Variants in BANK1 observed in about 807,000 individuals in gnomAD.
The protein encoded by BANK1 is B cell scaffold protein with ankyrin repeats 1, also known as B-cell scaffold protein with ankyrin repeats.
A neutral mutation model predicts 94.5 loss-of-function variants in BANK1; 95 were observed. The observed-to-expected ratio is 1.00, with a 90% CI of 0.85 to 1.19. BANK1 has a LOEUF of 1.19. BANK1 is among the 50% of genes most tolerant of loss of function. The pLI is 0.00. For synonymous variants in BANK1, 334 were observed against 308.4 expected (o/e 1.08, Z -0.87); for missense variants, 987 against 932.2 (o/e 1.06, Z -0.77).
intron 1 of BANK1, among the ~76,000 whole-genome samples, chr4:101,822,904 C>T (rs1021976922): frequency 5.3e-5 from 8 of 152,106 alleles, no homozygotes; most frequent in African/African-American, 1.2e-4. Flanking sequence ...TATGAGCCAC[C>T]GCGTCTGGCC....
At chr4:101,821,090 C>A (rs1207525904) in intron 1 of BANK1, among the ~76,000 whole-genome samples, 2 of 152,196 alleles carry the variant, frequency 1.3e-5, no homozygotes, top group Non-Finnish European at 2.9e-5. Context: ...TTTCCGTTTT[C>A]TCGACAGCCT....
intron 5 of BANK1, among the ~76,000 whole-genome samples, chr4:101,882,177 A>G (rs1476179253): frequency 6.6e-6 from 1 of 152,148 alleles, no homozygotes; most frequent in Non-Finnish European, 1.5e-5. Flanking sequence ...AAAACATCTC[A>G]TGTCCCCCAT....
chr4:101,843,823 A>G (rs1332565896), intron 2 of BANK1, among the ~76,000 whole-genome samples: 1 of 152,064 alleles, frequency 6.6e-6, no homozygotes, highest in Non-Finnish European at 1.5e-5. Context: ...TTGGGAGGCT[A>G]AGGCAGGAGA....
intron 7 of BANK1, among the ~76,000 whole-genome samples, chr4:101,985,467 A>T (rs1725450433): frequency 6.6e-6 from 1 of 152,094 alleles, no homozygotes; most frequent in Non-Finnish European, 1.5e-5. Flanking sequence ...GTTTTTTTTA[A>T]TTTAGTTTTC....
At chr4:101,842,647 T>C (rs1245817349) in intron 2 of BANK1, among the ~76,000 whole-genome samples, 1 of 152,344 alleles carries the variant, frequency 6.6e-6, no homozygotes, top group South Asian at 2.1e-4. Context: ...ATTTCTTAGA[T>C]ATATACGTAC....
intron 1 of BANK1, among the ~76,000 whole-genome samples, chr4:101,803,440 T>C (rs1253883321): frequency 6.6e-6 from 1 of 152,060 alleles, no homozygotes; most frequent in Non-Finnish European, 1.5e-5. Context: ...TTCCAGCTAT[T>C]TAGTTGGGGT....
intron 3 of BANK1, among the ~76,000 whole-genome samples, chr4:101,858,804 A>G (rs1358380950): frequency 6.6e-6 from 1 of 152,130 alleles, no homozygotes; most frequent in Non-Finnish European, 1.5e-5. Context: ...GAATGTTTTT[A>G]CAATCAGAAT....
chr4:101,813,327 A>C (rs1725786157), intron 1 of BANK1, among the ~76,000 whole-genome samples: 1 of 152,334 alleles, frequency 6.6e-6, no homozygotes, highest in Non-Finnish European at 1.5e-5. Context: ...GAGCTATTTC[A>C]ATTTATTTTC....
intron 3 of BANK1, among the ~76,000 whole-genome samples, chr4:101,860,683 G>A (rs756931326): frequency 4.6e-5 from 7 of 152,008 alleles, no homozygotes; most frequent in African/African-American, 7.2e-5. Flanking sequence ...CACCTGCCTC[G>A]GCCGCCCAAA....
intron 7 of BANK1, chr4:101,981,980 T>G (rs1234162457): frequency 6.6e-6 from 1 of 152,212 alleles, no homozygotes; most frequent in African/African-American, 2.4e-5. Context: ...GGGATTGTGG[T>G]TCTGCTCCCA....
intron 7 of BANK1, among the ~76,000 whole-genome samples, chr4:101,983,113 T>C (rs1326645197): frequency 1.3e-5 from 2 of 152,138 alleles, no homozygotes; most frequent in African/African-American, 2.4e-5. Context: ...GGTTTGCTTT[T>C]CTTCTTATGC....
intron 2 of BANK1, among the ~76,000 whole-genome samples, chr4:101,852,501 T>TATAA (rs1727525108): frequency 8.4e-6 from 1 of 119,582 alleles, no homozygotes; most frequent in African/African-American, 3.5e-5. Context: ...TATATATATA[T>TATAA]ATACACACAC....
chr4:101,795,211 G>C (rs1725115208), intron 1 of BANK1, among the ~76,000 whole-genome samples: 1 of 152,026 alleles, frequency 6.6e-6, no homozygotes, highest in African/African-American at 2.4e-5. Flanking sequence ...TCTTGTAATA[G>C]CTTCCGTTTA....
At chr4:102,048,488 A>G (rs1159348116) in intron 11 of BANK1, among the ~76,000 whole-genome samples, 1 of 152,146 alleles carries the variant, frequency 6.6e-6, no homozygotes, top group Non-Finnish European at 1.5e-5. Flanking sequence ...CTAATTAATG[A>G]ATATTCTTCA....
At position 101,986,873 on chromosome 4, in the gene BANK1, ATGTG is replaced by A. The variant is rs1164357630; in HGVS notation, c.1207-34617_1207-34614del. ...TATATATGTATATATATATGTGTGT[ATGTG>A]TGTGTGTGTGTGTGTGTGTGTGTAT... is the stretch of plus-strand genomic sequence containing the variant. On this transcript the variant is annotated intron_variant, in intron 7 of 16. Coordinates refer to ENST00000322953, the MANE Select transcript of BANK1 (RefSeq NM_017935.5). Among the ~76,000 whole-genome samples, 268 of 46,860 alleles carry A rather than the reference ATGTG, an allele frequency of 5.7e-3. 9 individuals are homozygous for A. The highest frequency in any genetic ancestry group is 0.052 in the East Asian group (74 of 1,428). 30.7% of individuals were successfully genotyped at this position (46,860 alleles called of 152,430 possible).
At chr4:101,819,686 T>C (rs1431225759) in intron 1 of BANK1, among the ~76,000 whole-genome samples, 1 of 152,188 alleles carries the variant, frequency 6.6e-6, no homozygotes, top group Non-Finnish European at 1.5e-5. Flanking sequence ...TTATTCTCCA[T>C]CGACATCAAA....
chr4:102,053,955 T>C (rs1467060840), intron 11 of BANK1, among the ~76,000 whole-genome samples: 1 of 151,950 alleles, frequency 6.6e-6, no homozygotes, highest in East Asian at 1.9e-4. Flanking sequence ...TATATGTATA[T>C]ATGTATATAC....
At chr4:101,979,490 C>T (rs1725252672) in intron 7 of BANK1, among the ~76,000 whole-genome samples, 2 of 151,776 alleles carry the variant, frequency 1.3e-5, no homozygotes, top group South Asian at 4.1e-4. Context: ...AGTCAATATT[C>T]AACATTTTTT....
intron 7 of BANK1, among the ~76,000 whole-genome samples, chr4:102,012,835 A>C (rs1560686287): frequency 1.3e-5 from 2 of 151,374 alleles, no homozygotes; most frequent in Non-Finnish European, 3.0e-5. Flanking sequence ...AGAAAGAACA[A>C]AAAAAAAATT....
Sources: gnomAD v4.1 joint callset for allele counts (sites outside exome capture counted in the v4.1 genomes callset) on GRCh38, gnomAD v4.1.1 for gene constraint, MANE v1.5 for transcripts, NCBI Gene and HGNC (gene_info 2026-07-23, HGNC 2026-07-21) for gene names.